Variants in KCNN1 observed in about 807,000 individuals in gnomAD.
KCNN1 encodes the protein potassium calcium-activated channel subfamily N member 1, also known as small conductance calcium-activated potassium channel protein 1.
A neutral mutation model predicts 44.7 loss-of-function variants in KCNN1; 20 were observed. The observed-to-expected ratio is 0.45, with a 90% CI of 0.32 to 0.65. The LOEUF (loss-of-function observed/expected upper bound fraction) is 0.65. Ranked by LOEUF, KCNN1 falls within the 30% of genes least tolerant of loss-of-function variation. KCNN1 has a pLI of 0.05. For missense variants in KCNN1, 632 were observed against 785.3 expected, an observed-to-expected ratio of 0.80 and a Z score of 2.33; for synonymous variants, 324 against 341.7, an observed-to-expected ratio of 0.95 and a Z score of 0.57.
chr19:17,955,920 G>A (rs953024647), intron 2 of KCNN1, among the ~76,000 whole-genome samples: 3 of 150,574 alleles, frequency 2.0e-5, no homozygotes, highest in Non-Finnish European at 4.4e-5. Flanking sequence ...TTTTAGTTTT[G>A]TTTTGTTTTG....
rs1214927007 is a variant in KCNN1 at position 17,983,484 on chromosome 19, C to G, written c.917+1357C>G. Among the ~76,000 whole-genome samples, 2 of 152,134 alleles carry G rather than the reference C, an allele frequency of 1.3e-5. No individual in the cohort carries two copies. Among genetic ancestry groups the G allele is most frequent in the African/African-American group, 4.8e-5 (2 of 41,442 alleles). On this transcript the variant is annotated intron_variant, in intron 4 of 9. Coordinates refer to ENST00000684775, the MANE Select transcript of KCNN1 (RefSeq NM_001386974.1). This position sits in a 1 kb window ranked among gnomAD's most constrained non-coding sequence, Gnocchi z 4.5. Reference sequence around the variant, plus strand: ...TCTCCTTGGGCTCTTGATGTTCCCCCATGCAGCTCTCACACCCCTGATGGG... The same window carrying G: ...TCTCCTTGGGCTCTTGATGTTCCCCGATGCAGCTCTCACACCCCTGATGGG...
At chr19:17,958,876 A>G (rs1300075784) in intron 2 of KCNN1, among the ~76,000 whole-genome samples, 3 of 145,196 alleles carry the variant, frequency 2.1e-5, no homozygotes, top group South Asian at 4.4e-4. Flanking sequence ...TTTTTTTTGT[A>G]TTTTTAGTAG....
chr19:17,967,560 T>C (rs1057085387), intron 1 of KCNN1, among the ~76,000 whole-genome samples: 3 of 151,636 alleles, frequency 2.0e-5, no homozygotes, highest in African/African-American at 4.8e-5. Context: ...AGGGTTCACT[T>C]TGGGGGAGGG....
chr19:17,956,833 A>G (rs1449998926), intron 2 of KCNN1, among the ~76,000 whole-genome samples: 1 of 151,682 alleles, frequency 6.6e-6, no homozygotes, highest in African/African-American at 2.4e-5. Flanking sequence ...GTGGGCGGAT[A>G]ATGAGGTCTG....
chr19:17,992,245 C>A (rs2032819906), intron 7 of KCNN1, among the ~76,000 whole-genome samples: 1 of 151,984 alleles, frequency 6.6e-6, no homozygotes, highest in African/African-American at 2.4e-5. Flanking sequence ...ATCACGTGAA[C>A]CTGGGAAGCT....
intron 1 of KCNN1, among the ~76,000 whole-genome samples, chr19:17,973,409 C>T (rs2032090541): frequency 6.6e-6 from 1 of 152,196 alleles, no homozygotes; most frequent in Non-Finnish European, 1.5e-5. Context: ...GCCTCCCACG[C>T]AGCTGGGACT....
At chr19:17,963,824 C>T (rs770039935), upstream of KCNN1, among the ~76,000 whole-genome samples, 2 of 151,764 alleles carry the variant, frequency 1.3e-5, no homozygotes, top group Non-Finnish European at 2.9e-5. Context: ...CTCCTGGGCT[C>T]GAGCGATCTT....
chr19:17,973,730 G>T lies in KCNN1; in HGVS notation c.-81-78G>T, dbSNP rs1428130233. 3 of 1,420,162 alleles carry T rather than the reference G, an allele frequency of 2.1e-6. No individual in the cohort carries two copies. The Admixed American group carries it at 8.8e-5, about 42-fold the overall frequency. The allele number at this position is 1,420,162 out of a possible 1,614,324, so 88.0% of individuals were successfully genotyped here. A position where few individuals can be genotyped will look rare whatever the true frequency, so the allele number is the denominator to read the frequency against. ...CCACTCCCAAACTTAGAACGTTCTG[G>T]GTTGGCCGGGATGGTCCTTGCCTTT... On this transcript the variant is annotated intron_variant, in intron 1 of 9. Transcript: ENST00000684775.
chr19:17,996,226 AGC>A (rs2032988752), intron 9 of KCNN1, among the ~76,000 whole-genome samples: 6 of 151,404 alleles, frequency 4.0e-5, no homozygotes, highest in African/African-American at 1.5e-4. Context: ...GGATCACTTG[AGC>A]CTGGGAGGTA....
chr19:17,967,102 C>A, upstream of KCNN1: 25 of 980,180 alleles, frequency 2.6e-5, no homozygotes, highest in Non-Finnish European at 2.7e-5. Flanking sequence ...TCTCCCGGCC[C>A]GGGCGGGCGC....
intron 9 of KCNN1, among the ~76,000 whole-genome samples, chr19:17,997,641 G>A (rs776837010): frequency 1.1e-4 from 17 of 152,128 alleles, no homozygotes; most frequent in Non-Finnish European, 1.6e-4. Context: ...TACCACATCC[G>A]GCTAATTTTT....
chr19:17,982,250 C>G (rs1457329026), intron 4 of KCNN1, 123 bp downstream of exon 4: 1 of 828,088 alleles, frequency 1.2e-6, no homozygotes, highest in Non-Finnish European at 1.8e-6. Flanking sequence ...TCTGTCTCCC[C>G]GACTGCAAGA....
chr19:17,957,155 GAAA>G (rs1321415156), intron 2 of KCNN1, among the ~76,000 whole-genome samples: 4 of 118,610 alleles, frequency 3.4e-5, no homozygotes, highest in Non-Finnish European at 5.3e-5. Context: ...GGGAGAGAGA[GAAA>G]AAAAGGAGAG....
intron 7 of KCNN1, 67 bp downstream of exon 7, chr19:17,989,910 C>G (rs1344034552): frequency 7.5e-6 from 12 of 1,609,628 alleles, no homozygotes; most frequent in African/African-American, 5.3e-5. Flanking sequence ...CCTCGCAGCT[C>G]TGTGTGGCCT....
chr19:17,968,127 T>C (rs1348460245), intron 1 of KCNN1, among the ~76,000 whole-genome samples: 1 of 150,974 alleles, frequency 6.6e-6, no homozygotes, highest in East Asian at 2.0e-4. Context: ...CTCGGAGACC[T>C]TCCTCAACCT....
At chr19:17,957,314 GA>G (rs945567911) in intron 2 of KCNN1, among the ~76,000 whole-genome samples, 5 of 143,640 alleles carry the variant, frequency 3.5e-5, no homozygotes, top group South Asian at 2.2e-4. Flanking sequence ...GAGGGAGAGA[GA>G]AAAAAAGAAG....
intron 9 of KCNN1, among the ~76,000 whole-genome samples, chr19:17,996,758 G>A (rs997342118): frequency 3.3e-5 from 5 of 152,320 alleles, no homozygotes; most frequent in South Asian, 4.1e-4. Context: ...AGTGGTGCTA[G>A]GAGGGGAGGC....
Position 17,967,200 on chromosome 19 carries a change from C to G in KCNN1, c.-199C>G. The G allele has an allele frequency of 2.1e-6, 2 of 967,512 alleles. No homozygotes were observed. Among genetic ancestry groups the G allele is most frequent in the Non-Finnish European group, 2.5e-6 (2 of 815,296 alleles). The allele number at this position is 967,512 out of a possible 1,614,324, so 59.9% of individuals were successfully genotyped here. A position where few individuals can be genotyped will look rare whatever the true frequency, so the allele number is the denominator to read the frequency against. On this transcript the variant is annotated 5_prime_UTR_variant, in exon 1 of 10. Transcript: ENST00000684775. ...CCCCGCCGCCCCCGGGCCCCGCGCC[C>G]GCTCGCTGCTGCCCGCCCCGTCCGC...
intron 9 of KCNN1, among the ~76,000 whole-genome samples, chr19:17,997,611 C>G (rs545988335): frequency 6.6e-6 from 1 of 152,130 alleles, no homozygotes; most frequent in African/African-American, 2.4e-5. Context: ...CCCCGAGTAG[C>G]GGGGATTACA....
Sources: gnomAD v4.1 joint callset for allele counts (sites outside exome capture counted in the v4.1 genomes callset) on GRCh38, gnomAD v4.1.1 for gene constraint, Gnocchi (gnomAD v3.1) non-coding constraint, MANE v1.5 for transcripts, NCBI Gene and HGNC (gene_info 2026-07-23, HGNC 2026-07-21) for gene names.